The following RAB5A variants were observed in gnomAD, a reference collection of about 807,000 sequenced individuals.
RAB5A encodes ras-related protein Rab-5A.
RAB5A carries 8 observed loss-of-function variants against 25.7 expected under a neutral mutation model. That is an observed-to-expected ratio of 0.31 (90% CI 0.18 to 0.56). The LOEUF (loss-of-function observed/expected upper bound fraction) is 0.56. Ranked by LOEUF, RAB5A falls within the 20% of genes least tolerant of loss-of-function variation. The pLI, the probability that RAB5A is intolerant of heterozygous loss-of-function variation, is 0.91. For missense variants in RAB5A, 192 were observed against 259.7 expected (o/e 0.74, Z 1.79); for synonymous variants, 98 against 89.8 (o/e 1.09, Z -0.52).
rs1436198928 is a variant in RAB5A, at chr3:19,974,006, G to A, written c.164-1595G>A. Among the ~76,000 whole-genome samples the A allele has an allele frequency of 5.9e-5, 9 of 152,104 alleles. No homozygotes were observed. In the East Asian group the frequency reaches 1.7e-3, roughly 29 times the overall value. ...TGGTAATTCAAGTGCATACCAATTTGGAAATAGGGCTTGAATATCACACCT... is the reference window on the plus strand; with the variant it reads ...TGGTAATTCAAGTGCATACCAATTTAGAAATAGGGCTTGAATATCACACCT... On this transcript the variant is annotated intron_variant, in intron 2 of 5. Transcript: ENST00000273047.
At chr3:19,978,234 A>C in intron 4 of RAB5A, 76 bp from the exon 5 acceptor site, 1 of 946,538 alleles carries the variant, frequency 1.1e-6, no homozygotes. Flanking sequence ...CTCCTTTTCT[A>C]TAACAAGTTT....
chr3:19,978,617 A>T (rs1696864361), intron 5 of RAB5A: 1 of 466,144 alleles, frequency 2.1e-6, no homozygotes, highest in South Asian at 2.9e-5. Flanking sequence ...TTGAAAGATG[A>T]TTACCTATTA....
chr3:19,980,642 G>A (rs536422160), intron 5 of RAB5A, among the ~76,000 whole-genome samples: 111 of 152,188 alleles, frequency 7.3e-4, no homozygotes, highest in Non-Finnish European at 1.4e-3. Flanking sequence ...ATACATGATT[G>A]ATTACTCAAT....
At chr3:19,960,878 T>G (rs1206160432) in intron 2 of RAB5A, among the ~76,000 whole-genome samples, 1 of 152,170 alleles carries the variant, frequency 6.6e-6, no homozygotes, top group South Asian at 2.1e-4. Context: ...TGGATATTCT[T>G]TGGGCCCCAA....
chr3:19,948,677 AG>A (rs1240065090), intron 1 of RAB5A, among the ~76,000 whole-genome samples: 1 of 152,114 alleles, frequency 6.6e-6, no homozygotes, highest in African/African-American at 2.4e-5. Flanking sequence ...TGAGATCCTT[AG>A]GGGGAGTAGC....
At chr3:19,982,220 A>G (rs909700396) in intron 5 of RAB5A, among the ~76,000 whole-genome samples, 5 of 152,242 alleles carry the variant, frequency 3.3e-5, no homozygotes, top group African/African-American at 1.2e-4. Flanking sequence ...CTTGGGCTAC[A>G]GAGGGAGACC....
chr3:19,960,318 T>A (rs1054777800), intron 2 of RAB5A, among the ~76,000 whole-genome samples: 1 of 152,124 alleles, frequency 6.6e-6, no homozygotes, highest in Non-Finnish European at 1.5e-5. Flanking sequence ...GGTTTTTGTT[T>A]TTGAGATGGG....
intron 1 of RAB5A, among the ~76,000 whole-genome samples, chr3:19,949,835 G>C (rs767168072): frequency 1.3e-5 from 2 of 151,794 alleles, no homozygotes; most frequent in African/African-American, 2.4e-5. Context: ...GCTTGAGCCC[G>C]AGAGTTCAGG....
chr3:19,972,523 A>G (rs1347520797), intron 2 of RAB5A, among the ~76,000 whole-genome samples: 2 of 152,176 alleles, frequency 1.3e-5, no homozygotes, highest in South Asian at 2.1e-4. Flanking sequence ...TTCTTTGTTA[A>G]TCTGAATGGG....
chr3:19,950,222 C>G (rs1696403663), intron 1 of RAB5A, among the ~76,000 whole-genome samples: 1 of 152,138 alleles, frequency 6.6e-6, no homozygotes, highest in Non-Finnish European at 1.5e-5. Context: ...GCACACAAAC[C>G]TGGGAGACTG....
intron 2 of RAB5A, among the ~76,000 whole-genome samples, chr3:19,953,208 A>T (rs1246180102): frequency 6.6e-6 from 1 of 152,174 alleles, no homozygotes; most frequent in Non-Finnish European, 1.5e-5. Flanking sequence ...CTCAAGAAGG[A>T]TGTTTAAAAG....
Position 19,949,810 on chromosome 3 carries a change from T to G in RAB5A, c.-93-996T>G, listed in dbSNP as rs1251962933. On this transcript the variant is annotated intron_variant, in intron 1 of 5. Transcript: ENST00000273047. ...CTGTAATCCCAGCACTTTGCGAGGC[T>G]GAGGCAGGAGGATTGCTTGAGCCCG... Among the ~76,000 whole-genome samples the G allele has an allele frequency of 4.9e-4, 74 of 152,182 alleles. 1 individual carries two copies. Among genetic ancestry groups the G allele is most frequent in the Admixed American group, 4.3e-3 (66 of 15,262 alleles).
intron 5 of RAB5A, 93 bp downstream of exon 5, chr3:19,978,496 G>A (rs906747574): frequency 9.1e-6 from 8 of 877,496 alleles, no homozygotes; most frequent in African/African-American, 1.7e-5. Context: ...AAAATTTTTG[G>A]GGGTGGGTTT....
intron 4 of RAB5A, among the ~76,000 whole-genome samples, chr3:19,977,728 T>A (rs1180258057): frequency 6.6e-6 from 1 of 152,188 alleles, no homozygotes; most frequent in South Asian, 2.1e-4. Context: ...GGAAAGATCA[T>A]TGGTTACCCC....
rs760341655 is a variant in RAB5A at position 19,975,699 on chromosome 3, A to G, written c.262A>G (p.Met88Val). 2.5e-6 allele frequency: 4 copies of G among 1,613,802 alleles called. No individual in the cohort carries two copies. The highest frequency in any genetic ancestry group is 1.3e-5 in the African/African-American group (1 of 75,058). ...AGAACGATACCATAGCCTAGCACCA[A>G]TGTACTACAGAGGAGCACAAGCAGC... ...GQERYHSLAP[M>V]YYRGAQAAIV... The change falls in exon 3 of 6, where the codon ATG becomes GTG. Residue 88 changes from methionine to valine, a missense_variant. Met to Val is a conservative substitution (Grantham distance 21). This residue lies in a region of RAB5A where 39 missense variants were observed against 91.6 expected (regional missense o/e 0.43). Transcript: ENST00000273047.
intron 2 of RAB5A, among the ~76,000 whole-genome samples, chr3:19,966,644 C>T (rs1696666488): frequency 6.6e-6 from 1 of 152,056 alleles, no homozygotes; most frequent in African/African-American, 2.4e-5. Flanking sequence ...CAAAGCAGTT[C>T]CAGTTTCTCC....
intron 2 of RAB5A, among the ~76,000 whole-genome samples, chr3:19,954,591 G>A (rs563278206): frequency 1.3e-5 from 2 of 152,218 alleles, no homozygotes; most frequent in African/African-American, 4.8e-5. Context: ...GCTGAGGTGG[G>A]CAGATCGCTT....
chr3:19,968,603 C>T (rs56029370), intron 2 of RAB5A, among the ~76,000 whole-genome samples: 24,957 of 152,056 alleles, frequency 0.16, 2,695 homozygotes, highest in Non-Finnish European at 0.24. Flanking sequence ...GTACTACAGG[C>T]ACGTGCCACC....
At chr3:19,948,443 A>C (rs928426525) in intron 1 of RAB5A, among the ~76,000 whole-genome samples, 2 of 152,232 alleles carry the variant, frequency 1.3e-5, no homozygotes, top group Admixed American at 6.5e-5. Context: ...CCTGGCACAA[A>C]ATAAGTGCCC....
Sources: gnomAD v4.1 joint callset for allele counts (sites outside exome capture counted in the v4.1 genomes callset) on GRCh38, gnomAD v4.1.1 for gene constraint, gnomAD v4.1.1 regional missense constraint, MANE v1.5 for transcripts, NCBI Gene and HGNC (gene_info 2026-07-23, HGNC 2026-07-21) for gene names.